The following NRXN1 variants were observed in gnomAD, a reference collection of about 807,000 sequenced individuals.
The protein encoded by NRXN1 is neurexin 1.
A neutral mutation model predicts 150.9 loss-of-function variants in NRXN1; 39 were observed. The observed-to-expected ratio is 0.26, with a 90% CI of 0.20 to 0.34. The LOEUF (loss-of-function observed/expected upper bound fraction) is 0.34. Among genes scored for constraint, NRXN1 ranks in the 10% least tolerant of loss-of-function variants. The probability of loss-of-function intolerance (pLI) is 1.00; values close to 1 mark genes in which losing one functional copy is unlikely to be tolerated. For missense variants in NRXN1, 1,815 were observed against 1,949.9 expected, an observed-to-expected ratio of 0.93 and a Z score of 1.30; for synonymous variants, 924 against 757.0, an observed-to-expected ratio of 1.22 and a Z score of -3.62.
At chr2:50,759,279 G>C (rs1259079248) in intron 5 of NRXN1, among the ~76,000 whole-genome samples, 1 of 151,804 alleles carries the variant, frequency 6.6e-6, no homozygotes, top group Non-Finnish European at 1.5e-5. Flanking sequence ...AGTGCACTGG[G>C]TACAAAATCC....
chr2:50,086,776 A>C (rs1040535264), intron 19 of NRXN1, among the ~76,000 whole-genome samples: 20 of 151,916 alleles, frequency 1.3e-4, no homozygotes, highest in Admixed American at 8.5e-4. Flanking sequence ...AGAACATTGA[A>C]TAATTGCTGG....
At chr2:50,445,749 G>A (rs34846571) in intron 17 of NRXN1, among the ~76,000 whole-genome samples, 34,345 of 152,040 alleles carry the variant, frequency 0.23, 4,517 homozygotes, top group East Asian at 0.36. Context: ...CAGCAAATGA[G>A]CAAACGGTAT....
intron 18 of NRXN1, among the ~76,000 whole-genome samples, chr2:50,134,996 C>G (rs995885051): frequency 2.6e-5 from 4 of 152,162 alleles, no homozygotes; most frequent in African/African-American, 7.2e-5. Flanking sequence ...CCCAACAATT[C>G]TGCTAGTTCA....
At chr2:50,978,974 A>T (rs1356178567) in intron 2 of NRXN1, among the ~76,000 whole-genome samples, 1 of 152,080 alleles carries the variant, frequency 6.6e-6, no homozygotes, top group Non-Finnish European at 1.5e-5. Flanking sequence ...GTAATTTTCC[A>T]TTTATTTTTC....
intron 5 of NRXN1, among the ~76,000 whole-genome samples, chr2:50,873,252 A>G (rs988788945): frequency 1.3e-5 from 2 of 151,850 alleles, no homozygotes; most frequent in Admixed American, 6.6e-5. Context: ...GGCATATAAT[A>G]ACACTATATA....
chr2:50,980,385 A>G (rs532531858), intron 2 of NRXN1, among the ~76,000 whole-genome samples: 1 of 152,276 alleles, frequency 6.6e-6, no homozygotes, highest in East Asian at 1.9e-4. Flanking sequence ...TTACCTAAAA[A>G]ACAGTTTGCT....
chr2:50,184,129 C>A (rs1384792716), intron 18 of NRXN1, among the ~76,000 whole-genome samples: 1 of 152,058 alleles, frequency 6.6e-6, no homozygotes, highest in Non-Finnish European at 1.5e-5. Context: ...ATATTCTACA[C>A]AGACTCCATA....
intron 17 of NRXN1, among the ~76,000 whole-genome samples, chr2:50,256,369 G>A (rs535077797): frequency 2.0e-5 from 3 of 152,052 alleles, no homozygotes; most frequent in Non-Finnish European, 2.9e-5. Flanking sequence ...TTTTCTAACC[G>A]CTGTTTGGAC....
chr2:50,370,104 C>T (rs984039789), intron 17 of NRXN1, among the ~76,000 whole-genome samples: 1 of 152,004 alleles, frequency 6.6e-6, no homozygotes, highest in African/African-American at 2.4e-5. Flanking sequence ...GTTTTCTCTG[C>T]AATTTTGTTG....
intron 21 of NRXN1, among the ~76,000 whole-genome samples, chr2:50,018,194 A>T (rs961167009): frequency 3.3e-5 from 5 of 152,160 alleles, no homozygotes; most frequent in African/African-American, 9.7e-5. Context: ...TACAAGTCAC[A>T]ATGCTATTCC....
rs1045881 is a variant in NRXN1, at chr2:49,921,834, C to T, written c.*110G>A. 174,050 of 1,054,496 alleles carry T rather than the reference C, an allele frequency of 0.17. 15,741 individuals carry two copies. The highest frequency in any genetic ancestry group is 0.31 in the South Asian group (19,787 of 63,166). The allele number at this position is 1,054,496 out of a possible 1,614,324, so 65.3% of individuals were successfully genotyped here. A position where few individuals can be genotyped will look rare whatever the true frequency, so the allele number is the denominator to read the frequency against. ...AAGTCTTTCCTTCCTGATTGCATTCCCTGTCTTCTTTTGTATGTGCTTCAT... is the reference window on the plus strand; with the variant it reads ...AAGTCTTTCCTTCCTGATTGCATTCTCTGTCTTCTTTTGTATGTGCTTCAT... On this transcript the variant is annotated 3_prime_UTR_variant, in exon 23 of 23. Transcript: ENST00000401669.
At chr2:50,339,316 A>T (rs2077394670) in intron 17 of NRXN1, among the ~76,000 whole-genome samples, 1 of 151,690 alleles carries the variant, frequency 6.6e-6, no homozygotes, top group Non-Finnish European at 1.5e-5. Context: ...ATATACAGGA[A>T]CATTTAAAAG....
chr2:50,328,218 G>GT (rs1178710434), intron 17 of NRXN1, among the ~76,000 whole-genome samples: 363 of 146,114 alleles, frequency 2.5e-3, no homozygotes, highest in African/African-American at 7.4e-3. Flanking sequence ...AATTTTTTTT[G>GT]TTTTTTTTTT....
intron 19 of NRXN1, among the ~76,000 whole-genome samples, chr2:50,078,732 T>G (rs1697467151): frequency 6.6e-6 from 1 of 152,056 alleles, no homozygotes; most frequent in Non-Finnish European, 1.5e-5. Flanking sequence ...GGATTTTTGT[T>G]GAGAATATGA....
intron 2 of NRXN1, among the ~76,000 whole-genome samples, chr2:50,991,932 A>C (rs918138): frequency 1.3e-5 from 2 of 151,860 alleles, no homozygotes; most frequent in African/African-American, 2.4e-5. Context: ...TTTTCTAAGC[A>C]TTTTATCTAT....
At chr2:49,927,311 T>C (rs1287001010) in intron 22 of NRXN1, among the ~76,000 whole-genome samples, 2 of 152,210 alleles carry the variant, frequency 1.3e-5, no homozygotes, top group Non-Finnish European at 2.9e-5. Context: ...GCAAAACAAA[T>C]AATATTTGAT....
At chr2:50,974,385 A>G (rs990908110) in intron 2 of NRXN1, among the ~76,000 whole-genome samples, 1 of 152,176 alleles carries the variant, frequency 6.6e-6, no homozygotes, top group African/African-American at 2.4e-5. Context: ...GTGCCTTTTC[A>G]AGCTTACACA....
chr2:50,231,851 AGATATAT>A (rs1405257420), intron 18 of NRXN1, among the ~76,000 whole-genome samples: 3 of 142,770 alleles, frequency 2.1e-5, no homozygotes, highest in African/African-American at 8.2e-5. Context: ...TAAAATTTCT[AGATATAT>A]CTTATATAAT....
chr2:50,136,361 C>T (rs560956043), intron 18 of NRXN1, among the ~76,000 whole-genome samples: 6 of 152,288 alleles, frequency 3.9e-5, no homozygotes, highest in African/African-American at 1.2e-4. Flanking sequence ...GAAATCTTGA[C>T]GGTGATCTAA....
Sources: allele counts gnomAD v4.1 joint callset (sites outside exome capture counted in the v4.1 genomes callset), GRCh38; gene constraint gnomAD v4.1.1; transcripts MANE v1.5; gene names NCBI Gene and HGNC (gene_info 2026-07-23, HGNC 2026-07-21).